BMP3: variants seen among roughly 807,000 people sequenced by gnomAD.
The protein encoded by BMP3 is bone morphogenetic protein 3.
In BMP3, 23 loss-of-function variants were observed where a neutral mutation model predicts 38.1. The ratio of observed to expected loss-of-function variants is 0.60; its 90% CI spans 0.43 to 0.86. The LOEUF (loss-of-function observed/expected upper bound fraction) is 0.86, where lower values mean the gene tolerates loss of function less well. BMP3 is among the 40% of genes least tolerant of loss of function. The pLI is 0.00. For missense variants in BMP3, 628 were observed against 579.6 expected (o/e 1.08, Z -0.86); for synonymous variants, 258 against 225.7 (o/e 1.14, Z -1.28).
chr4:81,031,222 C>T lies in BMP3; in HGVS notation c.-63C>T, dbSNP rs1739747286. 17 of 1,466,956 alleles carry T rather than the reference C, an allele frequency of 1.2e-5. No homozygotes were observed. The highest frequency in any genetic ancestry group is 1.5e-5 in the Non-Finnish European group (17 of 1,105,118). 90.9% of individuals were successfully genotyped at this position (1,466,956 alleles called of 1,614,324 possible). On this transcript the variant is annotated 5_prime_UTR_variant, in exon 1 of 3. Transcript: ENST00000282701. ...CAACCCTCGGCTCCGCCGCCGGCTC[C>T]TTGCGCCTTCGGAGTGTCCCGCAGC...
intron 2 of BMP3, among the ~76,000 whole-genome samples, chr4:81,052,165 G>A (rs1034547725): frequency 6.6e-6 from 1 of 152,040 alleles, no homozygotes; most frequent in South Asian, 2.1e-4. Flanking sequence ...TGAGCCATGA[G>A]AAACATGGCT....
At chr4:81,042,040 C>T (rs1358078059) in intron 1 of BMP3, among the ~76,000 whole-genome samples, 1 of 151,992 alleles carries the variant, frequency 6.6e-6, no homozygotes. Flanking sequence ...AAATGTTAGT[C>T]ACATATGTAA....
At position 81,054,782 on chromosome 4, in the gene BMP3, T is replaced by C. The variant is rs879486114; in HGVS notation, c.*1246T>C. ...ATGTGTCCTCTTATAACTTTAGTCT[T>C]CAAAATTATTTCAATATCCTTCTTC... On this transcript the variant is annotated 3_prime_UTR_variant, in exon 3 of 3. Coordinates refer to ENST00000282701, the MANE Select transcript of BMP3 (RefSeq NM_001201.5). 6.6e-6 allele frequency: 1 copy of C among 152,228 alleles called. No individual in the cohort carries two copies. Among genetic ancestry groups the C allele is most frequent in the Non-Finnish European group, 1.5e-5 (1 of 68,028 alleles). The allele number at this position is 152,228 out of a possible 1,614,324, so 9.4% of individuals were successfully genotyped here. A position where few individuals can be genotyped will look rare whatever the true frequency, so the allele number is the denominator to read the frequency against.
intron 2 of BMP3, among the ~76,000 whole-genome samples, chr4:81,051,909 T>C (rs961918420): frequency 2.0e-5 from 3 of 152,158 alleles, no homozygotes; most frequent in African/African-American, 7.2e-5. Context: ...CTAATCACAA[T>C]AAAGTTGAAG....
intron 1 of BMP3, among the ~76,000 whole-genome samples, chr4:81,033,801 G>T (rs917738781): frequency 1.3e-5 from 2 of 152,168 alleles, no homozygotes; most frequent in African/African-American, 2.4e-5. Flanking sequence ...CTTTCACCTT[G>T]TGACATATGT....
rs200302858 is a variant in BMP3, at chr4:81,046,208, C to A, written c.787C>A (p.Arg263=). The change falls in exon 2 of 3, where the codon CGG becomes AGG. Residue 263 remains arginine, a synonymous_variant. Transcript: ENST00000282701. ...ESVVSSLQGH[R]NFPTGTVPKW... ...TGTGGTATCAAGCTTACAGGGACAC[C>A]GGAATTTTCCCACTGGAACTGTTCC... The A allele has an allele frequency of 1.9e-6, 3 of 1,613,904 alleles. No individual in the cohort carries two copies. Among genetic ancestry groups the A allele is most frequent in the Non-Finnish European group, 2.5e-6 (3 of 1,180,022 alleles).
intron 1 of BMP3, among the ~76,000 whole-genome samples, chr4:81,041,787 C>T (rs1031175656): frequency 6.6e-6 from 1 of 152,146 alleles, no homozygotes; most frequent in Non-Finnish European, 1.5e-5. Context: ...ATCCCCTCAC[C>T]AAGATTTCTT....
chr4:81,034,718 C>T (rs1739874079), intron 1 of BMP3, among the ~76,000 whole-genome samples: 1 of 152,118 alleles, frequency 6.6e-6, no homozygotes, highest in South Asian at 2.1e-4. Context: ...GGCAATCCAG[C>T]CCCACAAGTG....
rs1740541782 is a variant in BMP3 at position 81,055,873 on chromosome 4, T to G, written c.*2337T>G. The G allele has an allele frequency of 6.6e-6, 1 of 152,136 alleles. No individual in the cohort carries two copies. The highest frequency in any genetic ancestry group is 2.1e-4 in the South Asian group (1 of 4,832). 9.4% of individuals were successfully genotyped at this position (152,136 alleles called of 1,614,324 possible). On this transcript the variant is annotated 3_prime_UTR_variant, in exon 3 of 3. Coordinates refer to ENST00000282701, the MANE Select transcript of BMP3 (RefSeq NM_001201.5). The stretch of plus-strand genomic sequence containing the variant: ...TAAAATTACAACACAATGAAAGAAC[T>G]TGGGTAATCTCTTAGCAATGGAAAT...
intron 1 of BMP3, among the ~76,000 whole-genome samples, chr4:81,044,396 A>G (rs1740174088): frequency 1.3e-5 from 2 of 152,072 alleles, no homozygotes; most frequent in Non-Finnish European, 2.9e-5. Flanking sequence ...CCTGTTTATT[A>G]CTCTCTTTTT....
chr4:81,043,856 T>A (rs568297519), intron 1 of BMP3, among the ~76,000 whole-genome samples: 1 of 152,316 alleles, frequency 6.6e-6, no homozygotes, highest in African/African-American at 2.4e-5. Context: ...CCCAAAGTGC[T>A]GGCATAACAG....
Position 81,031,424 on chromosome 4 carries a change from A to T in BMP3, c.140A>T (p.Asp47Val), listed in dbSNP as rs1441218970. ...GACCGCACGGCAGGTGGTGGCCCGG[A>T]CTCCGAGCTGCAGCCGCAAGACAAG... is the stretch of plus-strand genomic sequence containing the variant. The part of the protein sequence containing the change: ...PGDRTAGGGP[D>V]SELQPQDKVS... The change falls in exon 1 of 3, where the codon GAC becomes GTC. Residue 47 changes from aspartate to valine, a missense_variant. Asp to Val is a radical substitution (Grantham distance 152). Transcript: ENST00000282701. The T allele has an allele frequency of 1.2e-6, 2 of 1,613,486 alleles. No individual in the cohort carries two copies. The highest frequency in any genetic ancestry group is 1.7e-6 in the Non-Finnish European group (2 of 1,179,850).
At chr4:81,048,996 A>G (rs1489251908) in intron 2 of BMP3, among the ~76,000 whole-genome samples, 2 of 152,218 alleles carry the variant, frequency 1.3e-5, no homozygotes, top group Non-Finnish European at 2.9e-5. Flanking sequence ...CTTACCTGCT[A>G]TGACTCTTTG....
At chr4:81,044,734 T>G (rs903712551) in intron 1 of BMP3, among the ~76,000 whole-genome samples, 1 of 152,234 alleles carries the variant, frequency 6.6e-6, no homozygotes, top group African/African-American at 2.4e-5. Context: ...ATATGTGATC[T>G]TCCATGTCTT....
At position 81,031,366 on chromosome 4, in the gene BMP3, C is replaced by T. The variant is rs1008357945; in HGVS notation, c.82C>T (p.Pro28Ser). The T allele has an allele frequency of 1.2e-6, 2 of 1,613,298 alleles. No individual in the cohort carries two copies. Among genetic ancestry groups the T allele is most frequent in the African/African-American group, 2.7e-5 (2 of 75,054 alleles). The change falls in exon 1 of 3, where the codon CCT (proline) becomes TCT (serine). Residue 28 changes from proline to serine, a missense_variant. Physicochemically the swap from Pro to Ser is moderately conservative, Grantham distance 74. Transcript: ENST00000282701. ...SLAQGERPKP[P>S]FPELRKAVPG... is the part of the protein sequence containing the mutation. The stretch of plus-strand genomic sequence containing the variant: ...GGCGCAGGGAGAGAGACCGAAGCCA[C>T]CTTTCCCGGAGCTCCGCAAAGCTGT...
In BMP3 at chr4:81,053,559, T is replaced by C. The variant is rs1418711632; in HGVS notation, c.*23T>C. The C allele has an allele frequency of 4.4e-6, 6 of 1,376,802 alleles. No individual in the cohort carries two copies. Among genetic ancestry groups the C allele is most frequent in the African/African-American group, 1.5e-5 (1 of 66,574 alleles). 85.3% of individuals were successfully genotyped at this position (1,376,802 alleles called of 1,614,324 possible). On this transcript the variant is annotated 3_prime_UTR_variant, in exon 3 of 3. Coordinates refer to ENST00000282701, the MANE Select transcript of BMP3 (RefSeq NM_001201.5). ...TAACCTGGCAAAGAACTCATTTGAA[T>C]GCTTAATTCAATCATTAGTTTATTT...
chr4:81,049,644 G>T (rs957021059), intron 2 of BMP3, among the ~76,000 whole-genome samples: 2 of 152,042 alleles, frequency 1.3e-5, no homozygotes, highest in Non-Finnish European at 2.9e-5. Context: ...AGCCTTCCAC[G>T]CCTTGTGTCT....
chr4:81,043,803 G>A (rs1299320845), intron 1 of BMP3, among the ~76,000 whole-genome samples: 2 of 151,954 alleles, frequency 1.3e-5, no homozygotes, highest in Non-Finnish European at 2.9e-5. Flanking sequence ...TGGCCAGGCT[G>A]GTCTTGAACT....
intron 1 of BMP3, among the ~76,000 whole-genome samples, chr4:81,039,538 G>A (rs1194534436): frequency 1.3e-5 from 2 of 152,246 alleles, no homozygotes; most frequent in East Asian, 1.9e-4. Flanking sequence ...CTTAAGTCCC[G>A]AAGTCAGAAC....
Sources: allele counts gnomAD v4.1 joint callset (sites outside exome capture counted in the v4.1 genomes callset), GRCh38; gene constraint gnomAD v4.1.1; transcripts MANE v1.5; gene names NCBI Gene and HGNC (gene_info 2026-07-23, HGNC 2026-07-21).